The following TTLL5 variants were observed in gnomAD, a reference collection of about 807,000 sequenced individuals.
TTLL5 encodes the protein tubulin polyglutamylase TTLL5.
Under a neutral mutation model 168.4 loss-of-function variants are expected in TTLL5, and 132 were observed. The ratio of observed to expected loss-of-function variants is 0.78; its 90% CI spans 0.68 to 0.91. TTLL5 has a LOEUF of 0.91. Among genes scored for constraint, TTLL5 ranks in the 40% least tolerant of loss-of-function variants. TTLL5 has a pLI of 0.00. For missense variants in TTLL5, 1,545 were observed against 1,581.5 expected (o/e 0.98, Z 0.39); for synonymous variants, 546 against 558.6 (o/e 0.98, Z 0.32).
intron 9 of TTLL5, among the ~76,000 whole-genome samples, chr14:75,715,877 G>A (rs1381787376): frequency 1.3e-5 from 2 of 151,508 alleles, no homozygotes; most frequent in African/African-American, 4.9e-5. Flanking sequence ...GTTGGTACCC[G>A]ATTCCAGCTC....
In TTLL5 at chr14:75,874,338, C is replaced by T. The variant is rs146603670; in HGVS notation, c.3523-8347C>T. On this transcript the variant is annotated intron_variant, in intron 29 of 31. Transcript: ENST00000298832. ...CGATTTCCTGACTTTGTGATCCACC[C>T]GCCTCGGCCTCCCAAAGTGCTGGGA... Among the ~76,000 whole-genome samples, 634 of 152,184 alleles carry T rather than the reference C, an allele frequency of 4.2e-3. 4 individuals carry two copies. Among genetic ancestry groups the T allele is most frequent in the East Asian group, 0.015 (77 of 5,188 alleles).
rs1341144553 is a variant in TTLL5, at chr14:75,926,205, A to G, written c.3823+23981A>G. ...TTTTTGCTTTCCATTTGCCTGGTAG[A>G]TCTTCGTCCATCCCTTTGTTTTGAG... On this transcript the variant is annotated intron_variant, in intron 31 of 31. Transcript: ENST00000298832. Among the ~76,000 whole-genome samples, 4 of 96,070 alleles carry G rather than the reference A, an allele frequency of 4.2e-5. No homozygotes were observed. In the South Asian group the frequency reaches 1.5e-3, roughly 35 times the overall value. The allele number at this position is 96,070 out of a possible 152,430, so 63.0% of individuals were successfully genotyped here. A position where few individuals can be genotyped will look rare whatever the true frequency, so the allele number is the denominator to read the frequency against.
intron 27 of TTLL5, among the ~76,000 whole-genome samples, chr14:75,807,004 C>G (rs894864807): frequency 6.6e-6 from 1 of 152,188 alleles, no homozygotes; most frequent in African/African-American, 2.4e-5. Context: ...TATTTTGCAT[C>G]TTTTCTTTCC....
intron 31 of TTLL5, among the ~76,000 whole-genome samples, chr14:75,934,353 G>T (rs1792127684): frequency 6.6e-6 from 1 of 152,268 alleles, no homozygotes; most frequent in African/African-American, 2.4e-5. Context: ...GCATTTAGAG[G>T]TGGACAGATT....
chr14:75,883,668 A>G (rs777957120), intron 30 of TTLL5, among the ~76,000 whole-genome samples: 5 of 152,266 alleles, frequency 3.3e-5, no homozygotes, highest in Non-Finnish European at 7.3e-5. Context: ...TGGTAAATCA[A>G]ATTCTGGATT....
chr14:75,909,922 T>G (rs2033302358), intron 31 of TTLL5, among the ~76,000 whole-genome samples: 1 of 152,216 alleles, frequency 6.6e-6, no homozygotes, highest in Admixed American at 6.5e-5. Flanking sequence ...AGTAACTGTT[T>G]CTACATTCAG....
chr14:75,793,884 T>A (rs1892855009), intron 27 of TTLL5, among the ~76,000 whole-genome samples: 1 of 152,220 alleles, frequency 6.6e-6, no homozygotes, highest in Admixed American at 6.5e-5. Context: ...AACTCCACAG[T>A]TATATTTTGC....
chr14:75,842,408 G>A (rs1301300393), intron 28 of TTLL5, among the ~76,000 whole-genome samples: 2 of 152,156 alleles, frequency 1.3e-5, no homozygotes. Context: ...AGGCCGAGAA[G>A]CAGGAGGGTA....
chr14:75,735,135 G>A, intron 14 of TTLL5, 60 bp from the exon 15 acceptor site: 1 of 1,499,972 alleles, frequency 6.7e-7, no homozygotes, highest in South Asian at 1.1e-5. Flanking sequence ...AAAAGGTGCA[G>A]CCAGACCTGC....
chr14:75,807,234 G>T (rs1341327091), intron 27 of TTLL5, among the ~76,000 whole-genome samples: 1 of 152,158 alleles, frequency 6.6e-6, no homozygotes, highest in Non-Finnish European at 1.5e-5. Context: ...GATCGCTTGA[G>T]CTCGGGAGTT....
chr14:75,776,662 C>A, intron 22 of TTLL5, 85 bp from the exon 23 acceptor site: 1 of 919,758 alleles, frequency 1.1e-6, no homozygotes, highest in Non-Finnish European at 1.7e-6. Context: ...TAACTCAAGG[C>A]TATTGAAACT....
chr14:75,808,752 G>T (rs1255583596), intron 27 of TTLL5, among the ~76,000 whole-genome samples: 1 of 152,000 alleles, frequency 6.6e-6, no homozygotes, highest in Non-Finnish European at 1.5e-5. Context: ...CAAAGCTATG[G>T]CATGTTCAAT....
intron 28 of TTLL5, among the ~76,000 whole-genome samples, chr14:75,859,393 G>C (rs567625520): frequency 1.5e-4 from 23 of 152,348 alleles, no homozygotes; most frequent in African/African-American, 5.5e-4. Context: ...GCTATTAAGA[G>C]AATGTAGTAT....
At chr14:75,914,855 CCT>C (rs2140122917) in intron 31 of TTLL5, among the ~76,000 whole-genome samples, 2 of 152,256 alleles carry the variant, frequency 1.3e-5, no homozygotes, top group South Asian at 4.1e-4. Context: ...GATCTCCTGA[CCT>C]CGTGATCCGC....
chr14:75,916,101 G>T (rs2033605119), intron 31 of TTLL5, among the ~76,000 whole-genome samples: 1 of 151,348 alleles, frequency 6.6e-6, no homozygotes, highest in South Asian at 2.1e-4. Flanking sequence ...ACTCCAGCCT[G>T]GGTGACAGAG....
chr14:75,903,046 G>A (rs1042832780), intron 31 of TTLL5, among the ~76,000 whole-genome samples: 17 of 152,294 alleles, frequency 1.1e-4, no homozygotes, highest in African/African-American at 4.1e-4. Flanking sequence ...TATGTGTCAG[G>A]CACAGTTCTG....
chr14:75,797,336 G>T (rs950100187), intron 27 of TTLL5, among the ~76,000 whole-genome samples: 7 of 151,794 alleles, frequency 4.6e-5, no homozygotes, highest in African/African-American at 1.7e-4. Context: ...AACCTTTATG[G>T]TTTTCTAGGT....
intron 21 of TTLL5, among the ~76,000 whole-genome samples, chr14:75,774,603 G>C (rs1891606055): frequency 6.6e-6 from 1 of 152,054 alleles, no homozygotes; most frequent in African/African-American, 2.4e-5. Context: ...CTTTGTAGTG[G>C]GCCTTTCCAG....
At chr14:75,938,746 A>G (rs2034505829) in intron 31 of TTLL5, among the ~76,000 whole-genome samples, 1 of 152,198 alleles carries the variant, frequency 6.6e-6, no homozygotes, top group Non-Finnish European at 1.5e-5. Context: ...GGCTGAAGGC[A>G]CAGTAGTTCA....
Sources: gnomAD v4.1 joint callset for allele counts (sites outside exome capture counted in the v4.1 genomes callset) on GRCh38, gnomAD v4.1.1 for gene constraint, MANE v1.5 for transcripts, NCBI Gene and HGNC (gene_info 2026-07-23, HGNC 2026-07-21) for gene names.